ACYP2: variants seen among roughly 807,000 people sequenced by gnomAD.
ACYP2 encodes acylphosphatase-2.
ACYP2 carries 12 observed loss-of-function variants against 11.2 expected under a neutral mutation model. The observed-to-expected ratio is 1.08, with a 90% confidence interval of 0.69 to 1.74. ACYP2 has a LOEUF of 1.74. ACYP2 is among the 40% of genes most tolerant of loss of function. The pLI, the probability that ACYP2 is intolerant of heterozygous loss-of-function variation, is 0.00. For missense variants in ACYP2, 134 were observed against 101.9 expected (o/e 1.31, Z -1.35); for synonymous variants, 43 against 32.2 (o/e 1.33, Z -1.13).
At chr2:54,075,511 A>AAAAAG (rs1553366352) in intron 4 of ACYP2, among the ~76,000 whole-genome samples, 18 of 120,332 alleles carry the variant, frequency 1.5e-4, no homozygotes, top group East Asian at 1.2e-3. Flanking sequence ...ATTAAAAAAA[A>AAAAAG]AAAGAAAGAA....
At chr2:54,298,702 G>GC (rs1241390894) in intron 6 of ACYP2, among the ~76,000 whole-genome samples, 1 of 152,196 alleles carries the variant, frequency 6.6e-6, no homozygotes, top group Non-Finnish European at 1.5e-5. Context: ...AAGCAGTTGT[G>GC]CCCCATGTCA....
intron 2 of ACYP2, among the ~76,000 whole-genome samples, chr2:54,020,465 T>A (rs1415379987): frequency 2.6e-5 from 4 of 152,144 alleles, no homozygotes; most frequent in African/African-American, 9.7e-5. Flanking sequence ...ATTACATAGC[T>A]CAGTAATTGC....
At chr2:54,101,403 G>A (rs923404919) in intron 4 of ACYP2, among the ~76,000 whole-genome samples, 8 of 152,174 alleles carry the variant, frequency 5.3e-5, no homozygotes, top group African/African-American at 1.4e-4. Flanking sequence ...GGGCGCGGTG[G>A]CTCACGCCTG....
intron 6 of ACYP2, chr2:54,254,883 G>A (rs753338672): frequency 2.2e-5 from 35 of 1,580,734 alleles, no homozygotes; most frequent in Non-Finnish European, 2.8e-5. Flanking sequence ...GGTGGTGGCA[G>A]GCAACCTTCT....
chr2:54,074,434 CTTTAT>C (rs1677219876), intron 4 of ACYP2, among the ~76,000 whole-genome samples: 1 of 152,108 alleles, frequency 6.6e-6, no homozygotes, highest in Non-Finnish European at 1.5e-5. Context: ...CTCATCTCTA[CTTTAT>C]TTTAAATAAG....
At chr2:54,075,003 C>T (rs1388750749) in intron 4 of ACYP2, among the ~76,000 whole-genome samples, 1 of 152,206 alleles carries the variant, frequency 6.6e-6, no homozygotes, top group Non-Finnish European at 1.5e-5. Flanking sequence ...AGTTGACACA[C>T]AAAATTAATC....
chr2:54,271,066 C>T (rs1332023803), intron 6 of ACYP2, among the ~76,000 whole-genome samples: 1 of 152,214 alleles, frequency 6.6e-6, no homozygotes, highest in Non-Finnish European at 1.5e-5. Flanking sequence ...CTTCTTGCCT[C>T]ACAGGTGGTG....
intron 2 of ACYP2, among the ~76,000 whole-genome samples, chr2:54,011,793 T>C (rs1280638040): frequency 6.6e-6 from 1 of 152,160 alleles, no homozygotes; most frequent in Non-Finnish European, 1.5e-5. Flanking sequence ...TCTTCTTGAG[T>C]AGCTCAGTAA....
At chr2:54,231,909 T>C (rs138683382) in intron 6 of ACYP2, among the ~76,000 whole-genome samples, 56 of 152,368 alleles carry the variant, frequency 3.7e-4, no homozygotes, top group African/African-American at 1.2e-3. Flanking sequence ...TTATTTCATT[T>C]AATAACAGCA....
chr2:54,066,086 T>A (rs1305852604), intron 4 of ACYP2: 1 of 152,216 alleles, frequency 6.6e-6, no homozygotes, highest in East Asian at 1.9e-4. Flanking sequence ...TTTATTCGAC[T>A]CTCACTCTGA....
At chr2:54,152,169 G>C (rs990443392) in intron 6 of ACYP2, among the ~76,000 whole-genome samples, 3 of 136,366 alleles carry the variant, frequency 2.2e-5, no homozygotes, top group Non-Finnish European at 4.6e-5. Flanking sequence ...CCAGGCTGCT[G>C]TGTAATGGCA....
chr2:54,272,991 A>C (rs1688380565), intron 6 of ACYP2, among the ~76,000 whole-genome samples: 1 of 152,204 alleles, frequency 6.6e-6, no homozygotes, highest in Non-Finnish European at 1.5e-5. Context: ...GCTTGTTTTC[A>C]TCTTGTTTTC....
intron 6 of ACYP2, among the ~76,000 whole-genome samples, chr2:54,302,733 C>T (rs1689775364): frequency 6.6e-6 from 1 of 152,112 alleles, no homozygotes; most frequent in Non-Finnish European, 1.5e-5. Flanking sequence ...AAATCTGCTC[C>T]TCTCACAGTC....
chr2:54,181,175 T>C (rs991658018), intron 6 of ACYP2, among the ~76,000 whole-genome samples: 3 of 152,130 alleles, frequency 2.0e-5, no homozygotes, highest in Admixed American at 2.0e-4. Flanking sequence ...CTCATACCAT[T>C]AACATTTCTC....
At chr2:54,169,871 A>AT (rs1457311309) in intron 6 of ACYP2, among the ~76,000 whole-genome samples, 1 of 152,128 alleles carries the variant, frequency 6.6e-6, no homozygotes, top group Non-Finnish European at 1.5e-5. Context: ...AGTTTTAGCG[A>AT]TTTTTTTGAG....
intron 4 of ACYP2, among the ~76,000 whole-genome samples, chr2:54,124,758 C>T (rs948983708): frequency 6.6e-6 from 1 of 152,126 alleles, no homozygotes; most frequent in Admixed American, 6.5e-5. Context: ...TAGAGTGCAG[C>T]AGTGTGATCA....
chr2:54,158,111 T>C (rs1001434045), intron 6 of ACYP2, among the ~76,000 whole-genome samples: 2 of 151,888 alleles, frequency 1.3e-5, no homozygotes, highest in South Asian at 2.1e-4. Flanking sequence ...CTGCAACCTC[T>C]GCCTCCCAGG....
chr2:54,213,753 CCCCCA>C, intron 6 of ACYP2, among the ~76,000 whole-genome samples: 1 of 149,758 alleles, frequency 6.7e-6, no homozygotes, highest in South Asian at 2.1e-4. Flanking sequence ...TGTCCTTTGC[CCCCCA>C]CCCCACACCC....
At chr2:54,276,592 CT>C (rs1688583338) in intron 6 of ACYP2, among the ~76,000 whole-genome samples, 1 of 148,288 alleles carries the variant, frequency 6.7e-6, no homozygotes, top group South Asian at 2.2e-4. Flanking sequence ...CACATTTCAT[CT>C]TTTTCTTTGG....
Sources: gnomAD v4.1 joint callset for allele counts (sites outside exome capture counted in the v4.1 genomes callset) on GRCh38, gnomAD v4.1.1 for gene constraint, MANE v1.5 for transcripts, NCBI Gene and HGNC (gene_info 2026-07-23, HGNC 2026-07-21) for gene names.